SPTSSB: variants seen among roughly 807,000 people sequenced by gnomAD.
The protein encoded by SPTSSB is androgen down regulated in mouse prostate.
A neutral mutation model predicts 7.7 loss-of-function variants in SPTSSB; 6 were observed. That is an observed-to-expected ratio of 0.78 (90% CI 0.43 to 1.54). The LOEUF (loss-of-function observed/expected upper bound fraction) is 1.54. Ranked by LOEUF, SPTSSB falls within the 40% of genes most tolerant of loss-of-function variation. The pLI is 0.01. For synonymous variants in SPTSSB, 28 were observed against 29.7 expected (o/e 0.94, Z 0.19); for missense variants, 91 against 93.0 (o/e 0.98, Z 0.09).
chr3:161,360,420 A>C (rs964559030), intron 1 of SPTSSB, among the ~76,000 whole-genome samples: 1 of 152,212 alleles, frequency 6.6e-6, no homozygotes, highest in African/African-American at 2.4e-5. Context: ...TGTGTCATTT[A>C]TTTGATGTGG....
chr3:161,353,229 T>C (rs1225567538), intron 2 of SPTSSB, among the ~76,000 whole-genome samples: 1 of 152,218 alleles, frequency 6.6e-6, no homozygotes. Flanking sequence ...AATAGTAATA[T>C]TCACAGCAAC....
rs183737864 is a variant in SPTSSB, at chr3:161,371,459, C to G, written c.-150G>C. On this transcript the variant is annotated 5_prime_UTR_variant, in exon 1 of 3. Transcript: ENST00000620149. ...CCTCCCAGTTGGGTGTATCTCCCTG[C>G]GGCTTAGGTGAGCGCCGAGGCTTTG... 3.0e-6 allele frequency: 3 copies of G among 985,330 alleles called. No homozygotes were observed. The East Asian group carries it at 3.4e-4, about 112-fold the overall frequency. The allele number at this position is 985,330 out of a possible 1,614,324, so 61.0% of individuals were successfully genotyped here.
chr3:161,356,997 T>A (rs149016956), intron 2 of SPTSSB, among the ~76,000 whole-genome samples: 4 of 151,242 alleles, frequency 2.6e-5, no homozygotes, highest in East Asian at 1.9e-4. Flanking sequence ...GAAAAAAAAA[T>A]AAAAATAAAA....
In SPTSSB at chr3:161,346,349, GTTTGTCC is replaced by G. The variant is rs781728561; in HGVS notation, c.-32-1_-27del. On this transcript the variant is annotated splice_acceptor_variant and 5_prime_UTR_variant, in exon 3 of 3. Transcript: ENST00000620149. LOFTEE classifies it low-confidence loss of function (5UTR_SPLICE). ...GGTTGGCTCCTTCAAGCTGCAGTAA[GTTTGTCC>G]TGTTAAAGAATGTAACAGATTAGAG... 6.7e-7 allele frequency: 1 copy of G among 1,501,784 alleles called. No individual in the cohort carries two copies. Among genetic ancestry groups the G allele is most frequent in the East Asian group, 2.3e-5 (1 of 44,344 alleles). The allele number at this position is 1,501,784 out of a possible 1,614,324, so 93.0% of individuals were successfully genotyped here.
At chr3:161,363,548 G>C (rs1449520633) in intron 1 of SPTSSB, among the ~76,000 whole-genome samples, 1 of 151,800 alleles carries the variant, frequency 6.6e-6, no homozygotes, top group Non-Finnish European at 1.5e-5. Flanking sequence ...TAGAAATAAA[G>C]TATCCCCTGA....
rs565555961 is a variant in SPTSSB, at chr3:161,366,463, A to G, written c.-126+4972T>C. Among the ~76,000 whole-genome samples the G allele has an allele frequency of 3.2e-4, 48 of 152,088 alleles. No individual in the cohort carries two copies. In the South Asian group the frequency reaches 5.0e-3, roughly 16 times the overall value. On this transcript the variant is annotated intron_variant, in intron 1 of 2. Coordinates refer to ENST00000620149, the MANE Select transcript of SPTSSB (RefSeq NM_001040100.2). ...TGGTTGAAGCTAATGGCAAGGGGAAACCAAAGCTTCCCAGGGGAAGAGAGA... is the reference window on the plus strand; with the variant it reads ...TGGTTGAAGCTAATGGCAAGGGGAAGCCAAAGCTTCCCAGGGGAAGAGAGA...
chr3:161,351,603 GAGAGAGAGAA>G (rs1714541157), intron 2 of SPTSSB, among the ~76,000 whole-genome samples: 1 of 146,992 alleles, frequency 6.8e-6, no homozygotes, highest in Non-Finnish European at 1.5e-5. Context: ...CACACAGAGA[GAGAGAGAGAA>G]AGAGAGAGAG....
intron 1 of SPTSSB, among the ~76,000 whole-genome samples, chr3:161,366,738 A>G (rs1402367125): frequency 3.3e-5 from 5 of 152,158 alleles, no homozygotes; most frequent in Non-Finnish European, 7.3e-5. Flanking sequence ...CAGGGCCTAG[A>G]AGTGACCTGG....
intron 1 of SPTSSB, among the ~76,000 whole-genome samples, chr3:161,369,652 A>G (rs770305600): frequency 2.2e-4 from 34 of 151,986 alleles, no homozygotes; most frequent in Non-Finnish European, 2.6e-4. Context: ...AGAGAGCCTC[A>G]GAACTCTCAG....
chr3:161,348,151 A>C (rs901999684), intron 2 of SPTSSB: 12 of 152,242 alleles, frequency 7.9e-5, no homozygotes, highest in African/African-American at 2.9e-4. Context: ...ATGGTGGGGC[A>C]GGACAATAGT....
chr3:161,347,465 T>G (rs919266321), intron 2 of SPTSSB, among the ~76,000 whole-genome samples: 1 of 152,008 alleles, frequency 6.6e-6, no homozygotes, highest in African/African-American at 2.4e-5. Flanking sequence ...TTTCACCATG[T>G]TGGCCAGGCT....
rs1227579878 is a variant in SPTSSB, at chr3:161,369,481, C to A, written c.-126+1954G>T. On this transcript the variant is annotated intron_variant, in intron 1 of 2. Transcript: ENST00000620149. ...TTGATTTGATTTTCATTTCCCCAACCACTAATGGCTAGTAAACACCTTCTC... is the reference window on the plus strand; with the variant it reads ...TTGATTTGATTTTCATTTCCCCAACAACTAATGGCTAGTAAACACCTTCTC... Among the ~76,000 whole-genome samples, 3 of 147,274 alleles carry A rather than the reference C, an allele frequency of 2.0e-5. No homozygotes were observed. In the East Asian group the frequency reaches 6.1e-4, roughly 30 times the overall value.
intron 1 of SPTSSB, among the ~76,000 whole-genome samples, chr3:161,368,197 C>G (rs1365958537): frequency 6.6e-6 from 1 of 152,168 alleles, no homozygotes; most frequent in Non-Finnish European, 1.5e-5. Flanking sequence ...TTCAGCAACT[C>G]TAAGTTTTAA....
rs1714215653 is a variant in SPTSSB at position 161,346,150 on chromosome 3, G to A, written c.174C>T (p.Arg58=). The change falls in exon 3 of 3, where the codon CGC becomes CGT. Residue 58 remains arginine (R), a synonymous_variant. Coordinates refer to ENST00000620149, the MANE Select transcript of SPTSSB (RefSeq NM_001040100.2). ...TTTTTGAGAAAAATTCCCAAGCCAGGCGAATGTGGATTGGAATAAAGACAT... is the reference window on the plus strand; with the variant it reads ...TTTTTGAGAAAAATTCCCAAGCCAGACGAATGTGGATTGGAATAAAGACAT... ...TAYVFIPIHI[R]LAWEFFSKIC... 1 of 1,612,380 alleles carries A rather than the reference G, an allele frequency of 6.2e-7. No individual in the cohort carries two copies. Among genetic ancestry groups the A allele is most frequent in the Middle Eastern group, 1.7e-4 (1 of 6,058 alleles).
At chr3:161,361,790 G>T (rs186316519) in intron 1 of SPTSSB, among the ~76,000 whole-genome samples, 7 of 152,122 alleles carry the variant, frequency 4.6e-5, no homozygotes, top group South Asian at 4.2e-4. Context: ...ATCCTTCAGG[G>T]ACATGTGATA....
intron 1 of SPTSSB, among the ~76,000 whole-genome samples, chr3:161,369,349 TTTCTC>T: frequency 9.6e-6 from 1 of 104,600 alleles, no homozygotes; most frequent in Non-Finnish European, 1.9e-5. Flanking sequence ...TCTTTCTTTC[TTTCTC>T]TTTCTTTCTC....
At chr3:161,369,098 A>G (rs568996511) in intron 1 of SPTSSB, among the ~76,000 whole-genome samples, 1 of 152,148 alleles carries the variant, frequency 6.6e-6, no homozygotes, top group African/African-American at 2.4e-5. Context: ...GAATTGCTTG[A>G]TTATGTGGTA....
chr3:161,364,024 C>G (rs1237262153), intron 1 of SPTSSB, among the ~76,000 whole-genome samples: 1 of 152,006 alleles, frequency 6.6e-6, no homozygotes, highest in Non-Finnish European at 1.5e-5. Context: ...TTAAATACTT[C>G]AGTTTTTCAT....
intron 2 of SPTSSB, among the ~76,000 whole-genome samples, chr3:161,346,915 T>G (rs1162913225): frequency 6.6e-6 from 1 of 151,766 alleles, no homozygotes; most frequent in Non-Finnish European, 1.5e-5. Flanking sequence ...ACTGAAGAGG[T>G]GGGAATGGCC....
Sources: allele counts gnomAD v4.1 joint callset (sites outside exome capture counted in the v4.1 genomes callset), GRCh38; gene constraint gnomAD v4.1.1; transcripts MANE v1.5; gene names NCBI Gene and HGNC (gene_info 2026-07-23, HGNC 2026-07-21).